IL15: variants seen among roughly 807,000 people sequenced by gnomAD.
IL15 encodes the protein interleukin-15.
Under a neutral mutation model 19.6 loss-of-function variants are expected in IL15, and 11 were observed. That is an observed-to-expected ratio of 0.56 (90% confidence interval 0.35 to 0.93). IL15 has a LOEUF of 0.93. IL15 is among the 40% of genes least tolerant of loss of function. The probability of loss-of-function intolerance (pLI) is 0.01; values close to 1 mark genes in which losing one functional copy is unlikely to be tolerated. For missense variants in IL15, 197 were observed against 186.5 expected (o/e 1.06, Z -0.33); for synonymous variants, 58 against 59.6 (o/e 0.97, Z 0.12).
At chr4:141,730,047 A>G in intron 7 of IL15, 63 bp downstream of exon 7, 1 of 1,292,100 alleles carries the variant, frequency 7.7e-7, no homozygotes, top group East Asian at 2.3e-5. Flanking sequence ...TGGAGAAGTC[A>G]TTCATGGACA....
chr4:141,707,660 A>G (rs1729566425), intron 2 of IL15, among the ~76,000 whole-genome samples: 1 of 151,938 alleles, frequency 6.6e-6, no homozygotes, highest in Non-Finnish European at 1.5e-5. Context: ...TGGCTGTAAT[A>G]CTCATCAGTG....
intron 2 of IL15, among the ~76,000 whole-genome samples, chr4:141,658,491 C>G (rs866990179): frequency 6.6e-6 from 1 of 151,950 alleles, no homozygotes. Context: ...CATTATGGGG[C>G]GTGTGACTTT....
intron 1 of IL15, among the ~76,000 whole-genome samples, chr4:141,646,011 T>C (rs1727212847): frequency 6.6e-6 from 1 of 152,056 alleles, no homozygotes; most frequent in Admixed American, 6.6e-5. Context: ...AACATTTGTT[T>C]TATTCTTTTG....
At position 141,733,839 on chromosome 4, in the gene IL15, T is replaced by C. The variant is rs546677766; in HGVS notation, c.*991T>C. On this transcript the variant is annotated 3_prime_UTR_variant, in exon 8 of 8. Coordinates refer to ENST00000320650, the MANE Select transcript of IL15 (RefSeq NM_000585.5). ...TTTATATAATAATAAAGAAAAACCC[T>C]GTTGATTTGTTGGAGCCATTGTTAT... 2.0e-5 allele frequency: 3 copies of C among 152,334 alleles called. No homozygotes were observed. The highest frequency in any genetic ancestry group is 4.4e-5 in the Non-Finnish European group (3 of 68,024). The allele number at this position is 152,334 out of a possible 1,614,324, so 9.4% of individuals were successfully genotyped here. A position where few individuals can be genotyped will look rare whatever the true frequency, so the allele number is the denominator to read the frequency against.
chr4:141,697,795 G>A (rs963878352), intron 2 of IL15, among the ~76,000 whole-genome samples: 3 of 151,100 alleles, frequency 2.0e-5, no homozygotes, highest in South Asian at 2.1e-4. Flanking sequence ...CAATTCAATC[G>A]ATGTCTTCTT....
chr4:141,700,329 C>A (rs1172238820), intron 2 of IL15, among the ~76,000 whole-genome samples: 2 of 152,078 alleles, frequency 1.3e-5, no homozygotes, highest in African/African-American at 4.8e-5. Flanking sequence ...GGGCAAATTC[C>A]CTCAGTGTTT....
At chr4:141,684,952 T>G (rs2152174265) in intron 2 of IL15, among the ~76,000 whole-genome samples, 1 of 152,186 alleles carries the variant, frequency 6.6e-6, no homozygotes, top group African/African-American at 2.4e-5. Flanking sequence ...GCAGTGATTA[T>G]GTCTTTTTTT....
chr4:141,714,322 C>T (rs1394961010), intron 2 of IL15, among the ~76,000 whole-genome samples: 1 of 152,004 alleles, frequency 6.6e-6, no homozygotes, highest in Non-Finnish European at 1.5e-5. Flanking sequence ...TATTAGAGAA[C>T]ATTACTCTGG....
chr4:141,713,563 C>T (rs886419833), intron 2 of IL15, among the ~76,000 whole-genome samples: 1 of 152,188 alleles, frequency 6.6e-6, no homozygotes, highest in Non-Finnish European at 1.5e-5. Flanking sequence ...CTTTAAACAA[C>T]GGTGACAGTT....
intron 1 of IL15, among the ~76,000 whole-genome samples, chr4:141,645,049 T>A (rs1253793541): frequency 6.6e-6 from 1 of 152,182 alleles, no homozygotes; most frequent in African/African-American, 2.4e-5. Context: ...TGCTTTCTGA[T>A]GTTAGAGGGT....
At chr4:141,731,275 G>GTGTCCCATAA (rs1441198010) in intron 7 of IL15, among the ~76,000 whole-genome samples, 3 of 152,074 alleles carry the variant, frequency 2.0e-5, no homozygotes, top group Non-Finnish European at 2.9e-5. Context: ...CCCATATCTG[G>GTGTCCCATAA]AATATGATAT....
chr4:141,707,976 G>A (rs1168860697), intron 2 of IL15, among the ~76,000 whole-genome samples: 1 of 152,178 alleles, frequency 6.6e-6, no homozygotes, highest in Non-Finnish European at 1.5e-5. Context: ...GTCTGTTGGA[G>A]AGGCAGAGCT....
intron 1 of IL15, among the ~76,000 whole-genome samples, chr4:141,653,435 A>C (rs1727478616): frequency 6.6e-6 from 1 of 152,192 alleles, no homozygotes; most frequent in Admixed American, 6.5e-5. Flanking sequence ...CAAAAGTTTC[A>C]AAGCGCTTTC....
chr4:141,712,995 A>G (rs1323785290), intron 2 of IL15, among the ~76,000 whole-genome samples: 1 of 152,036 alleles, frequency 6.6e-6, no homozygotes, highest in African/African-American at 2.4e-5. Context: ...GTAGCCTTAT[A>G]AGAGAATTAA....
chr4:141,674,062 T>C (rs941806476), intron 2 of IL15, among the ~76,000 whole-genome samples: 1 of 152,248 alleles, frequency 6.6e-6, no homozygotes, highest in Non-Finnish European at 1.5e-5. Flanking sequence ...AACTCTTCAG[T>C]TGATCTTTAC....
intron 5 of IL15, among the ~76,000 whole-genome samples, chr4:141,723,442 A>C (rs1321488929): frequency 6.6e-6 from 1 of 152,184 alleles, no homozygotes; most frequent in African/African-American, 2.4e-5. Flanking sequence ...CTATAAGCCA[A>C]GGAAGGCCAG....
intron 2 of IL15, among the ~76,000 whole-genome samples, chr4:141,706,995 C>T (rs886328127): frequency 3.9e-5 from 6 of 152,078 alleles, no homozygotes; most frequent in Non-Finnish European, 7.4e-5. Flanking sequence ...AATACATTTC[C>T]TATGCCTTTA....
At chr4:141,719,343 T>C in intron 2 of IL15, 23 bp from the exon 3 acceptor site, 1 of 588,110 alleles carries the variant, frequency 1.7e-6, no homozygotes. Context: ...CTTGTGTTTT[T>C]AATGGATCAT....
intron 2 of IL15, among the ~76,000 whole-genome samples, chr4:141,706,868 A>C (rs1302666231): frequency 6.6e-6 from 1 of 152,100 alleles, no homozygotes; most frequent in Non-Finnish European, 1.5e-5. Context: ...CAGTTTGATA[A>C]TCATGTGCCT....
Sources: gnomAD v4.1 joint callset for allele counts (sites outside exome capture counted in the v4.1 genomes callset) on GRCh38, gnomAD v4.1.1 for gene constraint, MANE v1.5 for transcripts, NCBI Gene and HGNC (gene_info 2026-07-23, HGNC 2026-07-21) for gene names.